Variants in FYN observed in about 807,000 individuals in gnomAD.
The protein encoded by FYN is tyrosine-protein kinase Fyn.
A neutral mutation model predicts 70.2 loss-of-function variants in FYN; 10 were observed. That is an observed-to-expected ratio of 0.14 (90% confidence interval 0.09 to 0.24). The LOEUF is 0.24. Among genes scored for constraint, FYN ranks in the 10% least tolerant of loss-of-function variants. FYN has a pLI of 1.00. For missense variants in FYN, 319 were observed against 673.1 expected, an observed-to-expected ratio of 0.47 and a Z score of 5.82; for synonymous variants, 236 against 248.6, an observed-to-expected ratio of 0.95 and a Z score of 0.48.
chr6:111,835,096 C>A (rs573960473), intron 2 of FYN, among the ~76,000 whole-genome samples: 1 of 152,134 alleles, frequency 6.6e-6, no homozygotes, highest in Non-Finnish European at 1.5e-5. Flanking sequence ...ATTCTAAAAG[C>A]TTTTCTTATT....
intron 2 of FYN, among the ~76,000 whole-genome samples, chr6:111,834,575 G>A (rs945716452): frequency 3.9e-5 from 6 of 152,158 alleles, no homozygotes; most frequent in Non-Finnish European, 8.8e-5. Flanking sequence ...GGCTACTGCT[G>A]ATGGGAAGGT....
At chr6:111,823,727 GCTAA>G (rs1772747377) in intron 2 of FYN, among the ~76,000 whole-genome samples, 1 of 151,898 alleles carries the variant, frequency 6.6e-6, no homozygotes, top group African/African-American at 2.4e-5. Flanking sequence ...ACAGATCTCA[GCTAA>G]CTATTACAAG....
At chr6:111,707,877 A>G in intron 6 of FYN, 45 bp downstream of exon 6, 1 of 1,441,212 alleles carries the variant, frequency 6.9e-7, no homozygotes, top group South Asian at 1.1e-5. Flanking sequence ...TGCGGCAATC[A>G]ACTTTTAAAA....
intron 3 of FYN, among the ~76,000 whole-genome samples, chr6:111,737,437 G>A (rs537488457): frequency 3.3e-5 from 5 of 152,342 alleles, no homozygotes; most frequent in African/African-American, 1.2e-4. Flanking sequence ...TGCTACAGCA[G>A]CTCACAGAAC....
intron 3 of FYN, among the ~76,000 whole-genome samples, chr6:111,755,560 C>T (rs994760087): frequency 5.9e-5 from 9 of 152,112 alleles, no homozygotes; most frequent in African/African-American, 7.2e-5. Flanking sequence ...CAGCCCCCAT[C>T]GGAGAATATG....
chr6:111,665,407 T>A (rs1030776735), intron 13 of FYN, among the ~76,000 whole-genome samples: 1 of 152,192 alleles, frequency 6.6e-6, no homozygotes, highest in Non-Finnish European at 1.5e-5. Flanking sequence ...CTACTTCATT[T>A]TTTTCTTCTT....
At chr6:111,686,841 T>C (rs1488977287) in intron 12 of FYN, among the ~76,000 whole-genome samples, 3 of 152,204 alleles carry the variant, frequency 2.0e-5, no homozygotes, top group Non-Finnish European at 2.9e-5. Context: ...GGCTGATTAA[T>C]AATTCTGCAG....
At chr6:111,821,971 CAGGAAAGAACAGGTGCTGGAG>C (rs1772678662) in intron 2 of FYN, among the ~76,000 whole-genome samples, 5 of 151,082 alleles carry the variant, frequency 3.3e-5, no homozygotes, top group Admixed American at 3.3e-4. Flanking sequence ...ATTAAAAAAT[CAGGAAAGAACAGGTGCTGGAG>C]AGAATGTGGA....
At chr6:111,662,462 A>G (rs1232759929) in intron 13 of FYN, among the ~76,000 whole-genome samples, 1 of 152,174 alleles carries the variant, frequency 6.6e-6, no homozygotes, top group Non-Finnish European at 1.5e-5. Flanking sequence ...TACAAAACAA[A>G]CACAGGTTGG....
intron 4 of FYN, among the ~76,000 whole-genome samples, chr6:111,718,365 GT>G (rs1800769892): frequency 6.6e-6 from 1 of 152,216 alleles, no homozygotes; most frequent in Non-Finnish European, 1.5e-5. Context: ...GGAGTACTGT[GT>G]TTTAACTTTC....
chr6:111,703,628 G>A (rs1313163460), intron 7 of FYN, among the ~76,000 whole-genome samples: 1 of 152,196 alleles, frequency 6.6e-6, no homozygotes, highest in Non-Finnish European at 1.5e-5. Context: ...GAGAAGTGAA[G>A]TCCTCAGTTA....
At chr6:111,820,289 T>C (rs1366072428) in intron 2 of FYN, among the ~76,000 whole-genome samples, 1 of 152,224 alleles carries the variant, frequency 6.6e-6, no homozygotes, top group Non-Finnish European at 1.5e-5. Context: ...ATGATATTTT[T>C]ATGAAGAATG....
chr6:111,799,847 C>T (rs1236699785), intron 2 of FYN, among the ~76,000 whole-genome samples: 2 of 152,156 alleles, frequency 1.3e-5, no homozygotes, highest in African/African-American at 2.4e-5. Context: ...GTGGGAGTCC[C>T]GCACACGCCA....
At chr6:111,743,623 T>C (rs748255491) in intron 3 of FYN, among the ~76,000 whole-genome samples, 31 of 152,076 alleles carry the variant, frequency 2.0e-4, no homozygotes, top group Non-Finnish European at 4.0e-4. Context: ...AGACAGCCAG[T>C]GGAGACCCTG....
At chr6:111,700,082 G>C in intron 9 of FYN, 22 bp downstream of exon 9, 1 of 1,610,912 alleles carries the variant, frequency 6.2e-7, no homozygotes. Flanking sequence ...GCTAATAAGA[G>C]AGTAATTGAG....
chr6:111,747,433 T>C (rs1802277060), intron 3 of FYN, among the ~76,000 whole-genome samples: 1 of 152,204 alleles, frequency 6.6e-6, no homozygotes, highest in South Asian at 2.1e-4. Context: ...TAAAGCAGCA[T>C]CACAAAATAA....
intron 3 of FYN, chr6:111,740,854 G>T (rs1162799946): frequency 6.6e-6 from 1 of 152,176 alleles, no homozygotes; most frequent in South Asian, 2.1e-4. Flanking sequence ...TCTCAGAAAG[G>T]TTTTTCCTCT....
chr6:111,867,731 T>A (rs898124251), intron 1 of FYN, among the ~76,000 whole-genome samples: 17 of 152,140 alleles, frequency 1.1e-4, no homozygotes, highest in African/African-American at 4.1e-4. Flanking sequence ...TAGACCCTCA[T>A]CTACTACTCA....
chr6:111,841,661 C>G (rs1773360490), intron 2 of FYN, among the ~76,000 whole-genome samples: 1 of 152,144 alleles, frequency 6.6e-6, no homozygotes, highest in South Asian at 2.1e-4. Flanking sequence ...CAGGACTAAA[C>G]AAGGAACCCT....
Sources: allele counts gnomAD v4.1 joint callset (sites outside exome capture counted in the v4.1 genomes callset), GRCh38; gene constraint gnomAD v4.1.1; transcripts MANE v1.5; gene names NCBI Gene and HGNC (gene_info 2026-07-23, HGNC 2026-07-21).